The following TARS2 variants were observed in gnomAD, a reference collection of about 807,000 sequenced individuals.
TARS2 encodes threonine--tRNA ligase, mitochondrial.
Under a neutral mutation model 94.4 loss-of-function variants are expected in TARS2, and 61 were observed. The ratio of observed to expected loss-of-function variants is 0.65; its 90% CI spans 0.53 to 0.80. The LOEUF (loss-of-function observed/expected upper bound fraction) is 0.80. Among genes scored for constraint, TARS2 ranks in the 30% least tolerant of loss-of-function variants. The pLI is 0.00. For synonymous variants in TARS2, 359 were observed against 353.4 expected (o/e 1.02, Z -0.18); for missense variants, 704 against 902.5 (o/e 0.78, Z 2.82).
chr1:150,505,561 T>G, intron 16 of TARS2, 30 bp from the exon 17 acceptor site: 1 of 1,591,314 alleles, frequency 6.3e-7, no homozygotes, highest in South Asian at 1.1e-5. Context: ...TCCAGTAAAT[T>G]AACTTCCTGT....
intron 13 of TARS2, among the ~76,000 whole-genome samples, chr1:150,500,977 A>G (rs1181008578): frequency 6.6e-6 from 1 of 152,192 alleles, no homozygotes; most frequent in Non-Finnish European, 1.5e-5. Context: ...CATTGTATCC[A>G]GGGTGGAAGG....
At chr1:150,501,842 G>C (rs1669935371) in intron 13 of TARS2, among the ~76,000 whole-genome samples, 1 of 151,862 alleles carries the variant, frequency 6.6e-6, no homozygotes, top group Non-Finnish European at 1.5e-5. Context: ...TAAAAAGATA[G>C]AGAAAGGAAA....
intron 3 of TARS2, chr1:150,489,387 C>T: frequency 2.6e-6 from 1 of 384,896 alleles, no homozygotes; most frequent in Non-Finnish European, 5.0e-6. Context: ...CATTATAAGT[C>T]ATCTGTAGTG....
At position 150,499,226 on chromosome 1, in the gene TARS2, A is replaced by G; in HGVS notation, c.1550A>G (p.Gln517Arg). ...LWDQAEQVLK[Q>R]ALKEFGEPWD... ...CTCATTCCTTCAAAGGTCCTTAAAC[A>G]GGCCCTGAAGGAATTTGGAGAACCC... Residue 517 changes from glutamine (Q) to arginine (R), a missense_variant, in exon 13 of 18, where the codon CAG (glutamine) becomes CGG (arginine). Gln to Arg is a conservative substitution (Grantham distance 43). Coordinates refer to ENST00000369064, the MANE Select transcript of TARS2 (RefSeq NM_025150.5). 1.2e-6 allele frequency: 2 copies of G among 1,614,186 alleles called. No individual in the cohort carries two copies. The highest frequency in any genetic ancestry group is 1.7e-6 in the Non-Finnish European group (2 of 1,180,026).
chr1:150,503,585 A>ATGTATG (rs1670033170), intron 13 of TARS2, among the ~76,000 whole-genome samples: 2 of 137,110 alleles, frequency 1.5e-5, no homozygotes, highest in Non-Finnish European at 3.1e-5. Flanking sequence ...GTGTATATAT[A>ATGTATG]TGTGTGTGTG....
chr1:150,505,658 G>A lies in TARS2; in HGVS notation c.1961G>A (p.Ser654Asn), dbSNP rs200722438. 39 of 1,614,068 alleles carry A rather than the reference G, an allele frequency of 2.4e-5. No homozygotes were observed. ...GATGCAGACTCTGGACTGACCCTCA[G>A]CCGGAGAATCCGCCGGGCCCAGCTT... ...DLDADSGLTL[S>N]RRIRRAQLAH... The change falls in exon 17 of 18, where the codon AGC becomes AAC. Residue 654 changes from serine to asparagine, a missense_variant. By Grantham distance (46) the Ser-to-Asn change is conservative. Around this residue, in one of 3 missense-constraint regions of TARS2, gnomAD observed 466 missense variants for 609.5 expected, o/e 0.76. Coordinates refer to ENST00000369064, the MANE Select transcript of TARS2 (RefSeq NM_025150.5).
chr1:150,496,531 G>T lies in TARS2; in HGVS notation c.824G>T (p.Arg275Ile), dbSNP rs1669670262. The change falls in exon 8 of 18, where the codon AGA becomes ATA. Residue 275 changes from arginine to isoleucine, a missense_variant. Around this residue, in one of 3 missense-constraint regions of TARS2, gnomAD observed 466 missense variants for 609.5 expected, o/e 0.76. Transcript: ENST00000369064. ...TCAGGGGCCCCAGAGACACTGCAGAGAGTGTCAGGGATTTCCTTCCCCACA... is the reference window on the plus strand; with the variant it reads ...TCAGGGGCCCCAGAGACACTGCAGATAGTGTCAGGGATTTCCTTCCCCACA... The part of the protein sequence containing the change: ...RSSGAPETLQ[R>I]VSGISFPTTE... 1.2e-6 allele frequency: 2 copies of T among 1,614,176 alleles called. No individual in the cohort carries two copies. Among genetic ancestry groups the T allele is most frequent in the African/African-American group, 1.3e-5 (1 of 75,036 alleles).
At chr1:150,489,968 A>G (rs1342992846) in intron 3 of TARS2, among the ~76,000 whole-genome samples, 1 of 152,104 alleles carries the variant, frequency 6.6e-6, no homozygotes, top group Non-Finnish European at 1.5e-5. Flanking sequence ...CTGAAGCCCT[A>G]AAAGCTTACA....
At chr1:150,496,380 G>C in intron 7 of TARS2, 102 bp from the exon 8 acceptor site, 1 of 1,377,532 alleles carries the variant, frequency 7.3e-7, no homozygotes, top group South Asian at 1.5e-5. Context: ...TTGTCAAGAG[G>C]CATACCTGTG....
Position 150,490,727 on chromosome 1 carries a change from T to C in TARS2, c.512+2T>C. 1 of 1,612,830 alleles carries C rather than the reference T, an allele frequency of 6.2e-7. No individual in the cohort carries two copies. Among genetic ancestry groups the C allele is most frequent in the Non-Finnish European group, 8.5e-7 (1 of 1,179,736 alleles). On this transcript the variant is annotated splice_donor_variant, in intron 4 of 17. Coordinates refer to ENST00000369064, the MANE Select transcript of TARS2 (RefSeq NM_025150.5). LOFTEE classifies it high-confidence loss of function. ...TGATTTCTTCCTGGGAAAGGAGAGG[T>C]GAGTAATGAAAGGAAGGAGGAGAAT...
rs969488258 is a variant in TARS2, at chr1:150,507,115, C to T, written c.*51C>T. 6.2e-6 allele frequency: 10 copies of T among 1,605,886 alleles called. No individual in the cohort carries two copies. The African/African-American group carries it at 1.2e-4, about 19-fold the overall frequency. Reference sequence around the variant, plus strand: ...ACCTGCGAGTGCCATCAGCCTCCCTCACATGGGAGACCCCAACCCAGCTGA... The same window carrying T: ...ACCTGCGAGTGCCATCAGCCTCCCTTACATGGGAGACCCCAACCCAGCTGA... On this transcript the variant is annotated 3_prime_UTR_variant, in exon 18 of 18. Transcript: ENST00000369064.
At position 150,488,028 on chromosome 1, in the gene TARS2, C is replaced by G. The variant is rs768876387; in HGVS notation, c.237C>G (p.Thr79=). Residue 79 remains threonine, a synonymous_variant, in exon 2 of 18, where the codon ACC becomes ACG. Transcript: ENST00000369064. ...QKIDAVAWNT[T]PYQLARQISS... ...TTGATGCTGTGGCATGGAACACAAC[C>G]CCCTACCAACTAGCCCGGCAGATCA... The G allele has an allele frequency of 6.2e-7, 1 of 1,613,936 alleles. No individual in the cohort carries two copies. The highest frequency in any genetic ancestry group is 8.5e-7 in the Non-Finnish European group (1 of 1,179,972).
chr1:150,504,786 T>G, intron 15 of TARS2, 53 bp downstream of exon 15: 1 of 1,609,508 alleles, frequency 6.2e-7, no homozygotes. Context: ...ATAGTTATGC[T>G]CCAGATCCTG....
rs1163654629 is a variant in TARS2, at chr1:150,491,616, C to T, written c.649C>T (p.His217Tyr). 1.2e-6 allele frequency: 2 copies of T among 1,614,144 alleles called. No individual in the cohort carries two copies. The highest frequency in any genetic ancestry group is 1.7e-5 in the Admixed American group (1 of 60,006). The change falls in exon 6 of 18, where the codon CAC (histidine) becomes TAC (tyrosine). Residue 217 changes from histidine (H) to tyrosine (Y), a missense_variant. By Grantham distance (83) the His-to-Tyr change is moderately conservative. This residue lies in a region of TARS2 where 30 missense variants were observed against 64.5 expected (regional missense o/e 0.47). Transcript: ENST00000369064. ...QLFKDNPFKL[H>Y]LIEEKVTGPT... Reference sequence around the variant, plus strand: ...TTTCCAGGATAACCCCTTTAAGCTTCACTTGATTGAGGAGAAAGTGACAGG... The same window carrying T: ...TTTCCAGGATAACCCCTTTAAGCTTTACTTGATTGAGGAGAAAGTGACAGG...
At chr1:150,487,822 G>A in intron 1 of TARS2, 36 bp from the exon 2 acceptor site, 1 of 1,596,614 alleles carries the variant, frequency 6.3e-7, no homozygotes, top group African/African-American at 1.3e-5. Context: ...AGAATGATGG[G>A]ACGTGTGTTA....
chr1:150,496,219 G>T (rs1225933630), intron 7 of TARS2, among the ~76,000 whole-genome samples: 1 of 152,148 alleles, frequency 6.6e-6, no homozygotes, highest in African/African-American at 2.4e-5. Flanking sequence ...CTAAGTAAAG[G>T]GGTAATGAGA....
At chr1:150,497,365 A>C (rs587717800) in intron 9 of TARS2, among the ~76,000 whole-genome samples, 165 bp from the exon 10 acceptor site, 12 of 152,234 alleles carry the variant, frequency 7.9e-5, no homozygotes, top group Non-Finnish European at 1.8e-4. Context: ...TTAATACTAC[A>C]ATTGTGTGGT....
In TARS2 at chr1:150,504,675, G is replaced by C; in HGVS notation, c.1762G>C (p.Val588Leu). 6.2e-7 allele frequency: 1 copy of C among 1,613,818 alleles called. No homozygotes were observed. Among genetic ancestry groups the C allele is most frequent in the South Asian group, 1.1e-5 (1 of 91,078 alleles). ...GCGTCCAGTCCTCATTCACCGAGCAGTGCTCGGTTCTGTGGAAAGACTGTT... is the reference window on the plus strand; with the variant it reads ...GCGTCCAGTCCTCATTCACCGAGCACTGCTCGGTTCTGTGGAAAGACTGTT... ...LERPVLIHRAVLGSVERLLGV... is the reference protein window; with the variant it reads ...LERPVLIHRALLGSVERLLGV... The change falls in exon 15 of 18, where the codon GTG becomes CTG. Residue 588 changes from valine (V) to leucine (L), a missense_variant. This residue lies in a region of TARS2 where 466 missense variants were observed against 609.5 expected (regional missense o/e 0.76). Transcript: ENST00000369064.
At chr1:150,497,009 A>G in intron 9 of TARS2, 101 bp downstream of exon 9, 1 of 1,065,644 alleles carries the variant, frequency 9.4e-7, no homozygotes, top group Non-Finnish European at 1.4e-6. Flanking sequence ...GGGGCCGGGC[A>G]CAGTGGCTCA....
Sources: allele counts gnomAD v4.1 joint callset (sites outside exome capture counted in the v4.1 genomes callset), GRCh38; gene constraint gnomAD v4.1.1; regional missense constraint gnomAD v4.1.1; transcripts MANE v1.5; gene names NCBI Gene and HGNC (gene_info 2026-07-23, HGNC 2026-07-21).